The following ALMS1 variants were observed in gnomAD, a reference collection of about 807,000 sequenced individuals.
ALMS1 encodes ALMS1 centrosome and basal body associated protein.
A neutral mutation model predicts 352.2 loss-of-function variants in ALMS1; 271 were observed. The observed-to-expected ratio is 0.77, with a 90% CI of 0.70 to 0.85. The LOEUF (loss-of-function observed/expected upper bound fraction) is 0.85. ALMS1 is among the 40% of genes least tolerant of loss of function. The pLI, the probability that ALMS1 is intolerant of heterozygous loss-of-function variation, is 0.00. For missense variants in ALMS1, 5,445 were observed against 4,870.7 expected (o/e 1.12, Z -3.51); for synonymous variants, 1,865 against 1,761.2 (o/e 1.06, Z -1.48).
chr2:73,560,707 T>C (rs1674641404), intron 15 of ALMS1, among the ~76,000 whole-genome samples: 2 of 152,206 alleles, frequency 1.3e-5, no homozygotes, highest in Non-Finnish European at 2.9e-5. Flanking sequence ...AAAGAAAGCA[T>C]GTTACATACA....
chr2:73,452,146 G>A lies in ALMS1; in HGVS notation c.5619G>A (p.Leu1873=). The part of the protein sequence containing the change: ...QELPDLTEVT[L]KAIGVPGPAD... ...TGCCAGATCTTACTGAAGTAACTTT[G>A]AAAGCAATAGGGGTTCCTGGGCCTG... is the stretch of plus-strand genomic sequence containing the variant. Residue 1873 remains leucine, a synonymous_variant, in exon 8 of 23, where the codon TTG becomes TTA. Transcript: ENST00000613296. 1 of 1,608,944 alleles carries A rather than the reference G, an allele frequency of 6.2e-7. No homozygotes were observed. The highest frequency in any genetic ancestry group is 1.1e-5 in the South Asian group (1 of 90,866).
chr2:73,477,230 G>C (rs1003872916), intron 9 of ALMS1, among the ~76,000 whole-genome samples: 2 of 152,050 alleles, frequency 1.3e-5, no homozygotes, highest in Non-Finnish European at 2.9e-5. Flanking sequence ...TTTCAGCACT[G>C]TTGAAAAGAC....
At chr2:73,465,821 G>A (rs1291050203) in intron 9 of ALMS1, among the ~76,000 whole-genome samples, 5 of 152,132 alleles carry the variant, frequency 3.3e-5, no homozygotes, top group East Asian at 1.9e-4. Flanking sequence ...AAAAGTGGGT[G>A]AAGGATATGA....
chr2:73,550,443 T>C lies in ALMS1; in HGVS notation c.10078+6T>C. The stretch of plus-strand genomic sequence containing the variant: ...CTTGCAGAATGAAAATGCAGGTAAC[T>C]GGATTGGCTTTGTATACTTTGTAGC... On this transcript the variant is annotated splice_donor_region_variant and intron_variant, in intron 13 of 22. Transcript: ENST00000613296. 6.2e-7 allele frequency: 1 copy of C among 1,614,078 alleles called. No individual in the cohort carries two copies. The highest frequency in any genetic ancestry group is 2.2e-5 in the East Asian group (1 of 44,876).
rs1674992820 is a variant in ALMS1 at position 73,573,663 on chromosome 2, CA to C, written c.11547+240del. On this transcript the variant is annotated intron_variant, in intron 16 of 22. Coordinates refer to ENST00000613296, the MANE Select transcript of ALMS1 (RefSeq NM_001378454.1). The stretch of plus-strand genomic sequence containing the variant: ...AAGGGCTTTGCTGCTAGATCCTTCA[CA>C]GTCTGCAAAGTTTACCCCTGAAATG... 7.9e-6 allele frequency: 5 copies of C among 632,002 alleles called. No individual in the cohort carries two copies. The Admixed American group carries it at 1.2e-4, about 15-fold the overall frequency. 39.1% of individuals were successfully genotyped at this position (632,002 alleles called of 1,614,324 possible).
intron 10 of ALMS1, 59 bp downstream of exon 10, chr2:73,491,557 T>C (rs1672988780): frequency 1.3e-6 from 2 of 1,566,916 alleles, no homozygotes; most frequent in African/African-American, 2.7e-5. Flanking sequence ...GGGTTTCAAA[T>C]ACTTAAGTAG....
chr2:73,492,882 C>T lies in ALMS1; in HGVS notation c.9539+1384C>T, dbSNP rs546998364. On this transcript the variant is annotated intron_variant, in intron 10 of 22. Transcript: ENST00000613296. ...CCACCTGAATAGCTGGGACCACAGG[C>T]GTGCACCACCATGCCTGGCTAATTT... 2.4e-4 allele frequency among the ~76,000 whole-genome samples: 37 copies of T among 151,774 alleles called. No individual in the cohort carries two copies. In the East Asian group the frequency reaches 6.8e-3, roughly 28 times the overall value.
At chr2:73,427,397 A>G (rs546443521) in intron 6 of ALMS1, among the ~76,000 whole-genome samples, 1 of 152,066 alleles carries the variant, frequency 6.6e-6, no homozygotes, top group Admixed American at 6.6e-5. Flanking sequence ...ATGTATATAC[A>G]TGTCTCTTCC....
chr2:73,389,888 C>A (rs1252421118), intron 1 of ALMS1, among the ~76,000 whole-genome samples: 1 of 152,104 alleles, frequency 6.6e-6, no homozygotes, highest in African/African-American at 2.4e-5. Context: ...TGGGGTTTCA[C>A]CATGTTGGCC....
intron 16 of ALMS1, among the ~76,000 whole-genome samples, chr2:73,591,861 C>T (rs1675441377): frequency 6.6e-6 from 1 of 152,206 alleles, no homozygotes; most frequent in African/African-American, 2.4e-5. Flanking sequence ...CTCGCTCTAT[C>T]ACCCTCTACA....
chr2:73,430,077 C>CTTTT (rs541160037), intron 6 of ALMS1, among the ~76,000 whole-genome samples: 22 of 140,132 alleles, frequency 1.6e-4, no homozygotes, highest in African/African-American at 5.8e-4. Flanking sequence ...GTATTACCTA[C>CTTTT]TTTTTTTTTT....
chr2:73,462,131 G>C (rs1672217639), intron 9 of ALMS1, among the ~76,000 whole-genome samples: 1 of 152,000 alleles, frequency 6.6e-6, no homozygotes, highest in Non-Finnish European at 1.5e-5. Context: ...CTCGAGAAGA[G>C]CAACTCCAAG....
rs754664286 is a variant in ALMS1, at chr2:73,600,838, T to C, written c.11829T>C (p.Pro3943=). The part of the protein sequence containing the change: ...REEKMLFTGY[P]EDRKLKKNKK... ...AGAAAATGCTCTTTACCGGTTATCC[T>C]GAGGACAGAAAGTTAAAAAAGAACA... is the stretch of plus-strand genomic sequence containing the variant. The change falls in exon 18 of 23, where the codon CCT becomes CCC. Residue 3943 remains proline (P), a synonymous_variant. Transcript: ENST00000613296. 1 of 1,614,186 alleles carries C rather than the reference T, an allele frequency of 6.2e-7. No individual in the cohort carries two copies. The highest frequency in any genetic ancestry group is 8.5e-7 in the Non-Finnish European group (1 of 1,180,016).
chr2:73,458,726 T>C (rs1672125073), intron 9 of ALMS1: 1 of 151,724 alleles, frequency 6.6e-6, no homozygotes, highest in African/African-American at 2.4e-5. Context: ...GGAAAGGGAG[T>C]GTTAAAGGAA....
At chr2:73,551,952 G>C (rs1301996354) in intron 13 of ALMS1, among the ~76,000 whole-genome samples, 1 of 152,128 alleles carries the variant, frequency 6.6e-6, no homozygotes, top group Non-Finnish European at 1.5e-5. Flanking sequence ...TAAATGTAGG[G>C]TGGCTCTATG....
intron 3 of ALMS1, among the ~76,000 whole-genome samples, chr2:73,422,466 A>G (rs1002054770): frequency 6.6e-6 from 1 of 152,168 alleles, no homozygotes; most frequent in African/African-American, 2.4e-5. Flanking sequence ...TAAGATGGGA[A>G]GAAACACTCA....
At chr2:73,524,464 TA>T (rs1673747406) in intron 11 of ALMS1, among the ~76,000 whole-genome samples, 1 of 152,164 alleles carries the variant, frequency 6.6e-6, no homozygotes, top group African/African-American at 2.4e-5. Context: ...TTTAAGTATT[TA>T]TTTTTTTTGA....
At chr2:73,482,876 G>A (rs1424298906) in intron 9 of ALMS1, among the ~76,000 whole-genome samples, 1 of 151,884 alleles carries the variant, frequency 6.6e-6, no homozygotes, top group African/African-American at 2.4e-5. Flanking sequence ...AGAGGTGTTT[G>A]TAGTATTCTC....
chr2:73,597,960 T>C (rs1013903505), intron 16 of ALMS1, among the ~76,000 whole-genome samples: 7 of 152,212 alleles, frequency 4.6e-5, no homozygotes, highest in African/African-American at 7.2e-5. Context: ...CTGCTTTCCA[T>C]ATCTAAGACA....
Sources: allele counts gnomAD v4.1 joint callset (sites outside exome capture counted in the v4.1 genomes callset), GRCh38; gene constraint gnomAD v4.1.1; transcripts MANE v1.5; gene names NCBI Gene and HGNC (gene_info 2026-07-23, HGNC 2026-07-21).